Variants in SEZ6L observed in about 807,000 individuals in gnomAD.
SEZ6L encodes seizure related 6 homolog like.
A neutral mutation model predicts 106.2 loss-of-function variants in SEZ6L; 37 were observed. That is an observed-to-expected ratio of 0.35 (90% CI 0.27 to 0.46). The LOEUF (loss-of-function observed/expected upper bound fraction) is 0.46. Ranked by LOEUF, SEZ6L falls within the 20% of genes least tolerant of loss-of-function variation. The pLI is 1.00. For synonymous variants in SEZ6L, 541 were observed against 570.4 expected, an observed-to-expected ratio of 0.95 and a Z score of 0.73; for missense variants, 1,172 against 1,332.8, an observed-to-expected ratio of 0.88 and a Z score of 1.88.
intron 10 of SEZ6L, among the ~76,000 whole-genome samples, chr22:26,341,393 T>C (rs1380968616): frequency 6.6e-6 from 1 of 152,148 alleles, no homozygotes. Context: ...CCCTCATTCA[T>C]TACTAGCTCT....
At chr22:26,319,066 T>C (rs538918485) in intron 9 of SEZ6L, among the ~76,000 whole-genome samples, 1 of 152,228 alleles carries the variant, frequency 6.6e-6, no homozygotes, top group South Asian at 2.1e-4. Flanking sequence ...GCCTGGACCA[T>C]TAGCTCTTAC....
chr22:26,216,725 T>G (rs1280716712), intron 1 of SEZ6L, among the ~76,000 whole-genome samples: 1 of 152,168 alleles, frequency 6.6e-6, no homozygotes, highest in Non-Finnish European at 1.5e-5. Context: ...AGTGTCCTTA[T>G]GTGAATAAAA....
intron 1 of SEZ6L, among the ~76,000 whole-genome samples, chr22:26,182,941 G>A (rs1355271214): frequency 6.6e-6 from 1 of 152,080 alleles, no homozygotes; most frequent in Non-Finnish European, 1.5e-5. Context: ...AATGAGTGAC[G>A]TCAGGAGCAA....
rs151033739 is a variant in SEZ6L at position 26,358,110 on chromosome 22, A to C, written c.2599+6867A>C. 3.9e-4 allele frequency among the ~76,000 whole-genome samples: 59 copies of C among 152,294 alleles called. No homozygotes were observed. In the East Asian group the frequency reaches 9.8e-3, roughly 25 times the overall value. ...CACTGTTGAGCCGTCTCCTGTGGCC[A>C]CATCTTGGCCAGCATGTCCAGTGTT... On this transcript the variant is annotated intron_variant, in intron 12 of 16. Transcript: ENST00000248933.
chr22:26,341,115 C>T (rs1343521566), intron 10 of SEZ6L, among the ~76,000 whole-genome samples: 2 of 152,204 alleles, frequency 1.3e-5, no homozygotes, highest in Non-Finnish European at 2.9e-5. Flanking sequence ...CAGCTCTCCT[C>T]TAAGGCCTCT....
chr22:26,315,691 T>C (rs2081976732), intron 9 of SEZ6L, among the ~76,000 whole-genome samples: 1 of 152,172 alleles, frequency 6.6e-6, no homozygotes, highest in Non-Finnish European at 1.5e-5. Flanking sequence ...ATGGGGGTCT[T>C]GGAACATCAG....
At chr22:26,207,432 G>C (rs982273118) in intron 1 of SEZ6L, among the ~76,000 whole-genome samples, 2 of 152,158 alleles carry the variant, frequency 1.3e-5, no homozygotes, top group African/African-American at 4.8e-5. Context: ...TTACAAAGTT[G>C]TTATCAGGAT....
chr22:26,290,464 G>A (rs1002983593), intron 1 of SEZ6L, among the ~76,000 whole-genome samples: 6 of 152,150 alleles, frequency 3.9e-5, no homozygotes, highest in Admixed American at 3.3e-4. Flanking sequence ...CCCGGGAGGC[G>A]GAGCTTGCAG....
intron 1 of SEZ6L, among the ~76,000 whole-genome samples, chr22:26,233,422 C>T (rs964035692): frequency 3.3e-5 from 5 of 152,210 alleles, no homozygotes; most frequent in African/African-American, 1.2e-4. Context: ...TCCACCTTCC[C>T]ACCCAGGGAA....
chr22:26,302,500 G>C (rs2081487993), intron 5 of SEZ6L, among the ~76,000 whole-genome samples: 1 of 152,194 alleles, frequency 6.6e-6, no homozygotes, highest in Admixed American at 6.5e-5. Flanking sequence ...TGTGTGAAGA[G>C]AATATTGGAA....
At chr22:26,347,148 A>G (rs1160193022) in intron 10 of SEZ6L, among the ~76,000 whole-genome samples, 1 of 151,962 alleles carries the variant, frequency 6.6e-6, no homozygotes, top group African/African-American at 2.4e-5. Context: ...GAGAGCTATG[A>G]TCATACTCTT....
At chr22:26,276,218 C>T (rs769113722) in intron 1 of SEZ6L, among the ~76,000 whole-genome samples, 3 of 152,240 alleles carry the variant, frequency 2.0e-5, no homozygotes, top group Non-Finnish European at 2.9e-5. Flanking sequence ...AAACCCAACC[C>T]TTGCTTTACC....
chr22:26,281,817 A>T (rs2080779638), intron 1 of SEZ6L, among the ~76,000 whole-genome samples: 1 of 152,120 alleles, frequency 6.6e-6, no homozygotes, highest in African/African-American at 2.4e-5. Flanking sequence ...CCCTCTGGTA[A>T]ACACCATTCT....
At chr22:26,371,406 G>T (rs1284523784) in intron 13 of SEZ6L, among the ~76,000 whole-genome samples, 1 of 152,118 alleles carries the variant, frequency 6.6e-6, no homozygotes, top group Non-Finnish European at 1.5e-5. Context: ...CTCCTCGCCA[G>T]CACTGTATGT....
intron 1 of SEZ6L, among the ~76,000 whole-genome samples, chr22:26,215,586 A>G (rs574680602): frequency 2.4e-4 from 36 of 152,342 alleles, no homozygotes; most frequent in African/African-American, 7.0e-4. Context: ...ATCCATATCA[A>G]TCCCTAAGAA....
At chr22:26,190,320 C>G (rs980261962) in intron 1 of SEZ6L, among the ~76,000 whole-genome samples, 3 of 151,978 alleles carry the variant, frequency 2.0e-5, no homozygotes, top group African/African-American at 4.8e-5. Flanking sequence ...CAGGGATTAA[C>G]TCACTTTGAA....
chr22:26,315,755 T>G (rs1228529403), intron 9 of SEZ6L, among the ~76,000 whole-genome samples: 1 of 152,076 alleles, frequency 6.6e-6, no homozygotes, highest in African/African-American at 2.4e-5. Flanking sequence ...ATTGCCTCAC[T>G]CCTCAATAAA....
intron 12 of SEZ6L, among the ~76,000 whole-genome samples, chr22:26,352,863 T>G (rs116492913): frequency 0.011 from 1,668 of 152,326 alleles, 28 homozygotes; most frequent in African/African-American, 0.038. Flanking sequence ...GCTCTATTCA[T>G]GAGCCAGCCA....
At chr22:26,185,328 C>T (rs1939698724) in intron 1 of SEZ6L, among the ~76,000 whole-genome samples, 1 of 152,172 alleles carries the variant, frequency 6.6e-6, no homozygotes, top group Non-Finnish European at 1.5e-5. Context: ...AGAAAGACCA[C>T]CCAGTGAGAG....
Sources: allele counts gnomAD v4.1 joint callset (sites outside exome capture counted in the v4.1 genomes callset), GRCh38; gene constraint gnomAD v4.1.1; transcripts MANE v1.5; gene names NCBI Gene and HGNC (gene_info 2026-07-23, HGNC 2026-07-21).